Variants in WWOX observed in about 807,000 individuals in gnomAD.
WWOX encodes the protein WW domain-containing oxidoreductase.
WWOX carries 69 observed loss-of-function variants against 46.2 expected under a neutral mutation model. The ratio of observed to expected loss-of-function variants is 1.49; its 90% CI spans 1.23 to 1.82. The LOEUF is 1.82. Ranked by LOEUF, WWOX falls within the 40% of genes most tolerant of loss-of-function variation. The pLI is 0.00. For synonymous variants in WWOX, 359 were observed against 202.6 expected (o/e 1.77, Z -6.56); for missense variants, 919 against 542.6 (o/e 1.69, Z -6.89).
At chr16:78,499,560 G>A (rs1383775250) in intron 8 of WWOX, among the ~76,000 whole-genome samples, 3 of 152,208 alleles carry the variant, frequency 2.0e-5, no homozygotes, top group East Asian at 1.9e-4. Context: ...AATGCCGGGC[G>A]GTGGACGGGC....
intron 5 of WWOX, among the ~76,000 whole-genome samples, chr16:78,324,815 G>A (rs1381891426): frequency 6.6e-6 from 1 of 152,062 alleles, no homozygotes; most frequent in African/African-American, 2.4e-5. Flanking sequence ...AGGGGTAGAG[G>A]TGAAGGTGAT....
chr16:78,880,226 C>T (rs558430149), intron 8 of WWOX, among the ~76,000 whole-genome samples: 66 of 152,150 alleles, frequency 4.3e-4, no homozygotes, highest in African/African-American at 1.5e-3. Context: ...GCAGTTTTCT[C>T]TCTTATTAAC....
At chr16:78,769,358 G>A (rs986818806) in intron 8 of WWOX, among the ~76,000 whole-genome samples, 16 of 151,688 alleles carry the variant, frequency 1.1e-4, no homozygotes, top group Non-Finnish European at 2.1e-4. Context: ...CTCTTGCTCC[G>A]CCCCCTCTCT....
At chr16:78,732,077 T>C (rs8058929) in intron 8 of WWOX, among the ~76,000 whole-genome samples, 42,253 of 151,858 alleles carry the variant, frequency 0.28, 8,590 homozygotes, top group African/African-American at 0.58. Flanking sequence ...TTGGTGAGGC[T>C]AGTCTCAAAC....
chr16:78,775,267 T>G (rs928135828), intron 8 of WWOX, among the ~76,000 whole-genome samples: 26 of 152,162 alleles, frequency 1.7e-4, no homozygotes, highest in Non-Finnish European at 5.9e-5. Context: ...CAAAAATATC[T>G]TGTGGGTTTG....
intron 8 of WWOX, among the ~76,000 whole-genome samples, chr16:78,975,068 T>C (rs557097500): frequency 1.3e-5 from 2 of 152,342 alleles, no homozygotes; most frequent in South Asian, 4.1e-4. Flanking sequence ...GCTGGGCCCC[T>C]GCTTTTGCCT....
chr16:79,109,660 C>A (rs555613236), intron 8 of WWOX, among the ~76,000 whole-genome samples: 1 of 152,236 alleles, frequency 6.6e-6, no homozygotes, highest in African/African-American at 2.4e-5. Context: ...TGGGGTATTT[C>A]GCTCCAAGTT....
intron 8 of WWOX, among the ~76,000 whole-genome samples, chr16:79,113,730 G>C (rs572776261): frequency 5.3e-5 from 8 of 152,264 alleles, no homozygotes; most frequent in African/African-American, 9.6e-5. Flanking sequence ...CTGAGGGCTC[G>C]GATGGAGCCA....
chr16:79,139,141 C>G (rs1020461294), intron 8 of WWOX, among the ~76,000 whole-genome samples: 9 of 152,220 alleles, frequency 5.9e-5, no homozygotes, highest in African/African-American at 2.2e-4. Flanking sequence ...ATAATAGTAA[C>G]TCATAATAAT....
At chr16:79,037,860 C>G (rs543645930) in intron 8 of WWOX, among the ~76,000 whole-genome samples, 22 of 152,268 alleles carry the variant, frequency 1.4e-4, no homozygotes, top group African/African-American at 5.1e-4. Context: ...TGCCTGCTCT[C>G]TGGGTGGCCG....
intron 8 of WWOX, among the ~76,000 whole-genome samples, chr16:78,839,984 C>CCT (rs1287189299): frequency 6.6e-6 from 1 of 152,148 alleles, no homozygotes; most frequent in East Asian, 1.9e-4. Context: ...TTTTCCTGAT[C>CCT]CTCCATTCCC....
intron 5 of WWOX, among the ~76,000 whole-genome samples, chr16:78,216,990 C>T (rs913635583): frequency 1.1e-4 from 17 of 152,054 alleles, no homozygotes; most frequent in African/African-American, 1.2e-4. Context: ...CCTAAACTGC[C>T]GGGATTACAG....
intron 8 of WWOX, among the ~76,000 whole-genome samples, chr16:78,622,761 GC>G (rs1018686681): frequency 2.0e-5 from 3 of 152,134 alleles, no homozygotes; most frequent in African/African-American, 7.2e-5. Flanking sequence ...ACACTATATG[GC>G]AAAGCAAAGG....
At chr16:78,632,096 C>T (rs932042530) in intron 8 of WWOX, among the ~76,000 whole-genome samples, 9 of 152,182 alleles carry the variant, frequency 5.9e-5, no homozygotes, top group Admixed American at 2.0e-4. Context: ...CTAGCAAATT[C>T]GCAAGGAGCT....
At position 78,107,887 on chromosome 16, in the gene WWOX, A is replaced by G. The variant is rs553929888; in HGVS notation, c.108-536A>G. ...GAATTTTGTCCCTACATCGTGGAAT[A>G]AAACCAAAACAAATACACAGCAAAA... On this transcript the variant is annotated intron_variant, in intron 1 of 8. Transcript: ENST00000566780. Among the ~76,000 whole-genome samples the G allele has an allele frequency of 3.0e-4, 45 of 152,240 alleles. No individual in the cohort carries two copies. In the South Asian group the frequency reaches 6.0e-3, roughly 20 times the overall value.
intron 8 of WWOX, among the ~76,000 whole-genome samples, chr16:78,684,460 G>A (rs540449182): frequency 2.0e-5 from 3 of 152,174 alleles, no homozygotes; most frequent in Non-Finnish European, 4.4e-5. Flanking sequence ...TGTTGAGTCA[G>A]ATCAAGTCCA....
chr16:78,698,260 T>G (rs1455897526), intron 8 of WWOX, among the ~76,000 whole-genome samples: 1 of 152,180 alleles, frequency 6.6e-6, no homozygotes, highest in Non-Finnish European at 1.5e-5. Context: ...CAGATGAGGT[T>G]CTTGAGTACT....
At chr16:78,619,770 AT>A (rs1567441749) in intron 8 of WWOX, among the ~76,000 whole-genome samples, 1 of 151,892 alleles carries the variant, frequency 6.6e-6, no homozygotes, top group African/African-American at 2.4e-5. Context: ...AAAATGAGAC[AT>A]GGGGGTGCAT....
At position 78,368,904 on chromosome 16, in the gene WWOX, G is replaced by A. The variant is rs151080388; in HGVS notation, c.517-17956G>A. Among the ~76,000 whole-genome samples the A allele has an allele frequency of 5.0e-3, 769 of 152,280 alleles. 4 individuals carry two copies. Among genetic ancestry groups the A allele is most frequent in the African/African-American group, 0.017 (719 of 41,552 alleles). On this transcript the variant is annotated intron_variant, in intron 5 of 8. Transcript: ENST00000566780. ...TGACAGAATGGTACATCCCACCACTGCTCTGTGTCTGTGTGCGACTGTCAG... is the reference window on the plus strand; with the variant it reads ...TGACAGAATGGTACATCCCACCACTACTCTGTGTCTGTGTGCGACTGTCAG...
Sources: gnomAD v4.1 joint callset for allele counts (sites outside exome capture counted in the v4.1 genomes callset) on GRCh38, gnomAD v4.1.1 for gene constraint, MANE v1.5 for transcripts, NCBI Gene and HGNC (gene_info 2026-07-23, HGNC 2026-07-21) for gene names.